MSH6: variants seen among roughly 807,000 people sequenced by gnomAD.
MSH6 encodes the protein mutS homolog 6.
MSH6 carries 85 observed loss-of-function variants against 119.1 expected under a neutral mutation model. That is an observed-to-expected ratio of 0.71 (90% CI 0.60 to 0.85). The LOEUF (loss-of-function observed/expected upper bound fraction) is 0.85. MSH6 is among the 40% of genes least tolerant of loss of function. The pLI is 0.00. For synonymous variants in MSH6, 830 were observed against 586.9 expected, an observed-to-expected ratio of 1.41 and a Z score of -5.99; for missense variants, 2,163 against 1,655.3, an observed-to-expected ratio of 1.31 and a Z score of -5.32.
intron 1 of MSH6, among the ~76,000 whole-genome samples, chr2:47,789,653 C>G (rs1668606299): frequency 1.3e-5 from 2 of 152,066 alleles, no homozygotes; most frequent in Admixed American, 1.3e-4. Context: ...GTTGCAGGAC[C>G]CCCCTGTGAA....
chr2:47,808,553 G>T, downstream of MSH6: 1 of 699,048 alleles, frequency 1.4e-6, no homozygotes, highest in Non-Finnish European at 2.2e-6. Context: ...TGTGGCTCCA[G>T]CCCAGATTAA....
rs745642001 is a variant in MSH6 at position 47,783,378 on chromosome 2, G to A, written c.145G>A (p.Ala49Thr). The A allele has an allele frequency of 1.3e-6, 2 of 1,594,658 alleles. No homozygotes were observed. The highest frequency in any genetic ancestry group is 1.7e-5 in the Admixed American group (1 of 57,592). ...GASPSPGGDA[A>T]WSEAGPGPRP... ...CTCTCCTTCCCCAGGCGGGGATGCGGCCTGGAGCGAGGCTGGGCCTGGGCC... is the reference window on the plus strand; with the variant it reads ...CTCTCCTTCCCCAGGCGGGGATGCGACCTGGAGCGAGGCTGGGCCTGGGCC... The change falls in exon 1 of 10, where the codon GCC becomes ACC. Residue 49 changes from alanine to threonine, a missense_variant. Ala to Thr is a moderately conservative substitution (Grantham distance 58). Coordinates refer to ENST00000234420, the MANE Select transcript of MSH6 (RefSeq NM_000179.3).
intron 1 of MSH6, among the ~76,000 whole-genome samples, chr2:47,786,080 C>CG (rs1166192278): frequency 6.6e-6 from 1 of 152,088 alleles, no homozygotes; most frequent in Non-Finnish European, 1.5e-5. Flanking sequence ...GGAAAGGGGA[C>CG]GGAGAGGATG....
At chr2:47,798,485 C>G (rs1212508279) in intron 3 of MSH6, 126 bp from the exon 4 acceptor site, 1 of 975,338 alleles carries the variant, frequency 1.0e-6, no homozygotes, top group South Asian at 1.5e-5. Context: ...GAATACTGTA[C>G]TAAAAATGAA....
At chr2:47,809,735 T>TA (rs1553335374), downstream of MSH6, 4 of 1,441,934 alleles carry the variant, frequency 2.8e-6, no homozygotes, top group Middle Eastern at 3.6e-4. Flanking sequence ...AACAAGTAGA[T>TA]ACATCACTTT....
intron 2 of MSH6, 120 bp downstream of exon 2, chr2:47,791,243 A>C (rs1194946949): frequency 6.5e-6 from 6 of 922,294 alleles, no homozygotes; most frequent in Non-Finnish European, 1.0e-5. Context: ...ACCCCAGTAA[A>C]TTGCAAGGGG....
At chr2:47,806,751 C>CTTTTTTTTT in intron 9 of MSH6, 28 bp from the exon 10 acceptor site, 1 of 1,444,228 alleles carries the variant, frequency 6.9e-7, no homozygotes, top group Admixed American at 2.0e-5. Context: ...AACAAAAAAA[C>CTTTTTTTTT]TTTTTTTTTT....
In MSH6 at chr2:47,806,661, T is replaced by TAACTAAATAACTA; in HGVS notation, c.4001+15_4001+16insAATAACTAAACTA. On this transcript the variant is annotated intron_variant, in intron 9 of 9. Coordinates refer to ENST00000234420, the MANE Select transcript of MSH6 (RefSeq NM_000179.3). ...CACTACGATTATTTCGGTAACTAAC[T>TAACTAAATAACTA]AACTATAATGGAATTATAACTAACT... The TAACTAAATAACTA allele has an allele frequency of 6.2e-7, 1 of 1,603,356 alleles. No homozygotes were observed.
chr2:47,784,177 G>T, intron 1 of MSH6: 1 of 1,002,926 alleles, frequency 1.0e-6, no homozygotes, highest in Non-Finnish European at 1.2e-6. Context: ...GGACCGCGGG[G>T]CCTAATTGGG....
At position 47,798,658 on chromosome 2, in the gene MSH6, T is replaced by C; in HGVS notation, c.675T>C (p.Ile225=). ...ATAAGAGTGAAGAAGATAATGAAAT[T>C]GAGAGTGAAGAGGAAGTACAGCCTA... The part of the protein sequence containing the change: ...VTDKSEEDNE[I]ESEEEVQPKT... The change falls in exon 4 of 10, where the codon ATT becomes ATC. Residue 225 remains isoleucine (I), a synonymous_variant. Transcript: ENST00000234420. 6.2e-7 allele frequency: 1 copy of C among 1,613,284 alleles called. No individual in the cohort carries two copies. The highest frequency in any genetic ancestry group is 1.1e-5 in the South Asian group (1 of 91,064).
chr2:47,783,332 T>TGCCGCCGC lies in MSH6; in HGVS notation c.100_107dup (p.Ala37ProfsTer47). 1 of 1,609,624 alleles carries TGCCGCCGC rather than the reference T, an allele frequency of 6.2e-7. No homozygotes were observed. The highest frequency in any genetic ancestry group is 8.5e-7 in the Non-Finnish European group (1 of 1,178,436). On this transcript the variant is annotated frameshift_variant, in exon 1 of 10. Transcript: ENST00000234420. LOFTEE classifies it high-confidence loss of function. ...CCAGGGCCTCACGCGAAGGCGGCCG[T>TGCCGCCGC]GCCGCCGCTGCCCCCGGGGCCTCTC...
At chr2:47,788,907 C>CTTTTTTTTTTTT (rs1558650117) in intron 1 of MSH6, among the ~76,000 whole-genome samples, 11 of 17,294 alleles carry the variant, frequency 6.4e-4, no homozygotes, top group African/African-American at 1.6e-3. Context: ...TTTCTTCTTC[C>CTTTTTTTTTTTT]TTTTTTTTTT....
rs587779239 is a variant in MSH6 at position 47,783,474 on chromosome 2, G to A, written c.241G>A (p.Ala81Thr). The change falls in exon 1 of 10, where the codon GCG (alanine) becomes ACG (threonine). Residue 81 changes from alanine to threonine, a missense_variant. Transcript: ENST00000234420. ...NLNGGLRRSV[A>T]PAAPTSCDFS... Reference sequence around the variant, plus strand: ...CAACGGAGGGCTGCGGAGATCGGTAGCGCCTGCTGCCCCCACCAGGTAGCG... The same window carrying A: ...CAACGGAGGGCTGCGGAGATCGGTAACGCCTGCTGCCCCCACCAGGTAGCG... 8.3e-6 allele frequency: 12 copies of A among 1,442,836 alleles called. No homozygotes were observed. Among genetic ancestry groups the A allele is most frequent in the Non-Finnish European group, 1.1e-5 (12 of 1,098,176 alleles). The allele number at this position is 1,442,836 out of a possible 1,614,324, so 89.4% of individuals were successfully genotyped here. A position where few individuals can be genotyped will look rare whatever the true frequency, so the allele number is the denominator to read the frequency against.
intron 5 of MSH6, 70 bp from the exon 6 acceptor site, chr2:47,804,840 A>C (rs1312099551): frequency 3.3e-6 from 4 of 1,195,992 alleles, no homozygotes; most frequent in Non-Finnish European, 5.0e-6. Flanking sequence ...GTAAGGGTTC[A>C]TAAGAAAGAC....
At chr2:47,788,305 A>G (rs1668469482) in intron 1 of MSH6, among the ~76,000 whole-genome samples, 1 of 120,496 alleles carries the variant, frequency 8.3e-6, no homozygotes, top group African/African-American at 3.3e-5. Context: ...CCCAGGCTGG[A>G]GTGCAGTGGC....
chr2:47,792,832 C>A (rs1310926331), intron 2 of MSH6, among the ~76,000 whole-genome samples: 1 of 145,452 alleles, frequency 6.9e-6, no homozygotes, highest in African/African-American at 2.5e-5. Context: ...CCACACCTGG[C>A]TAATTTTTAT....
intron 7 of MSH6, 79 bp downstream of exon 7, chr2:47,805,786 T>G: frequency 8.9e-7 from 1 of 1,117,922 alleles, no homozygotes; most frequent in Non-Finnish European, 1.4e-6. Flanking sequence ...TAGAAGATTA[T>G]CTGAAGTACA....
intron 1 of MSH6, among the ~76,000 whole-genome samples, chr2:47,786,421 G>A (rs1312046417): frequency 6.6e-6 from 1 of 151,178 alleles, no homozygotes; most frequent in East Asian, 1.9e-4. Context: ...TGCAACCTCC[G>A]CCTCCTGGGT....
chr2:47,808,674 C>A, downstream of MSH6: 4 of 393,066 alleles, frequency 1.0e-5, no homozygotes, highest in East Asian at 1.2e-4. Context: ...ACTTTAAAAG[C>A]CTCTCAAATG....
Sources: allele counts gnomAD v4.1 joint callset (sites outside exome capture counted in the v4.1 genomes callset), GRCh38; gene constraint gnomAD v4.1.1; transcripts MANE v1.5; gene names NCBI Gene and HGNC (gene_info 2026-07-23, HGNC 2026-07-21).